The following STAT5B variants were observed in gnomAD, a reference collection of about 807,000 sequenced individuals.
The protein encoded by STAT5B is transcription factor STAT5B.
STAT5B carries 21 observed loss-of-function variants against 107.8 expected under a neutral mutation model. The observed-to-expected ratio is 0.19, with a 90% CI of 0.14 to 0.28. STAT5B has a LOEUF of 0.28. Among genes scored for constraint, STAT5B ranks in the 10% least tolerant of loss-of-function variants. STAT5B has a pLI of 1.00. For missense variants in STAT5B, 565 were observed against 1,008.2 expected, an observed-to-expected ratio of 0.56 and a Z score of 5.95; for synonymous variants, 325 against 401.7, an observed-to-expected ratio of 0.81 and a Z score of 2.28.
intron 1 of STAT5B, among the ~76,000 whole-genome samples, chr17:42,239,365 A>T (rs1040358118): frequency 2.0e-5 from 3 of 152,106 alleles, no homozygotes; most frequent in African/African-American, 7.2e-5. Context: ...CCTTCCAAGG[A>T]CATATCTGAC....
chr17:42,250,455 T>C (rs960335152), intron 1 of STAT5B, among the ~76,000 whole-genome samples: 2 of 152,204 alleles, frequency 1.3e-5, no homozygotes, highest in African/African-American at 4.8e-5. Context: ...AAGCCCTTCC[T>C]ATACTTCATC....
At chr17:42,220,952 A>G (rs1027808655) in intron 5 of STAT5B, among the ~76,000 whole-genome samples, 4 of 150,700 alleles carry the variant, frequency 2.7e-5, no homozygotes, top group African/African-American at 9.8e-5. Flanking sequence ...CACTGGGACT[A>G]TTAATCCCTT....
At chr17:42,274,337 T>C (rs1366674351) in intron 1 of STAT5B, among the ~76,000 whole-genome samples, 1 of 149,502 alleles carries the variant, frequency 6.7e-6, no homozygotes, top group African/African-American at 2.5e-5. Context: ...TGTCTCAATC[T>C]GGAGCTTGAA....
chr17:42,250,894 A>G (rs2080493693), intron 1 of STAT5B, among the ~76,000 whole-genome samples: 1 of 150,838 alleles, frequency 6.6e-6, no homozygotes, highest in African/African-American at 2.4e-5. Flanking sequence ...ACTGCACTCC[A>G]GCCTGGGTGA....
At position 42,273,138 on chromosome 17, in the gene STAT5B, CA is replaced by C. The variant is rs774567492; in HGVS notation, c.-11+3109del. ...AATTTAAGTACAAAAACTGTCTGAT[CA>C]ATGGAAACTAGATTGTTAAGTTTGA... is the stretch of plus-strand genomic sequence containing the variant. On this transcript the variant is annotated intron_variant, in intron 1 of 18. Coordinates refer to ENST00000293328, the MANE Select transcript of STAT5B (RefSeq NM_012448.4). Among the ~76,000 whole-genome samples, 348 of 151,972 alleles carry C rather than the reference CA, an allele frequency of 2.3e-3. 5 individuals are homozygous for C. The highest frequency in any genetic ancestry group is 3.4e-4 in the Non-Finnish European group (23 of 67,966).
chr17:42,202,545 A>G (rs892454957), intron 17 of STAT5B, 98 bp from the exon 18 acceptor site: 1 of 1,488,066 alleles, frequency 6.7e-7, no homozygotes. Flanking sequence ...CTCAGGGTGT[A>G]GAAGGACAAA....
chr17:42,200,293 G>A lies in STAT5B; in HGVS notation c.*1445C>T, dbSNP rs1197985493. On this transcript the variant is annotated 3_prime_UTR_variant, in exon 19 of 19. Coordinates refer to ENST00000293328, the MANE Select transcript of STAT5B (RefSeq NM_012448.4). ...GCCATCCTCTCCTGGGGGTGCCCAT[G>A]CCCTTCTTTTGGAGAGGGGGCCGAG... is the stretch of plus-strand genomic sequence containing the variant. The A allele has an allele frequency of 1.3e-5, 2 of 152,680 alleles. No individual in the cohort carries two copies. The highest frequency in any genetic ancestry group is 4.8e-5 in the African/African-American group (2 of 41,438). The allele number at this position is 152,680 out of a possible 1,614,324, so 9.5% of individuals were successfully genotyped here.
rs191063363 is a variant in STAT5B, at chr17:42,217,024, G to A, written c.1380+136C>T. On this transcript the variant is annotated intron_variant, in intron 11 of 18. Transcript: ENST00000293328. ...ACCTAAGTGAAACAGTTCTCAGGGT[G>A]AGGTCAGTCCATTTTCAGTTTACCA... 802 of 1,450,908 alleles carry A rather than the reference G, an allele frequency of 5.5e-4. 7 individuals carry two copies. Among genetic ancestry groups the A allele is most frequent in the Middle Eastern group, 2.4e-4 (1 of 4,136 alleles). 89.9% of individuals were successfully genotyped at this position (1,450,908 alleles called of 1,614,324 possible).
chr17:42,225,107 TG>T (rs1289826857), intron 3 of STAT5B, among the ~76,000 whole-genome samples: 1 of 152,086 alleles, frequency 6.6e-6, no homozygotes, highest in East Asian at 1.9e-4. Flanking sequence ...CAGGCTGGAG[TG>T]CAGTGGCACA....
chr17:42,230,764 G>A (rs533965237), intron 2 of STAT5B, among the ~76,000 whole-genome samples: 10 of 151,950 alleles, frequency 6.6e-5, no homozygotes, highest in South Asian at 2.1e-4. Context: ...GACTTCAAGC[G>A]ATTCTCATGC....
At chr17:42,231,952 T>C (rs775695016) in intron 2 of STAT5B, 48 bp downstream of exon 2, 67 of 1,611,550 alleles carry the variant, frequency 4.2e-5, no homozygotes, top group Non-Finnish European at 5.7e-5. Context: ...CAAACTCCAA[T>C]ATTCTTGTGT....
At chr17:42,273,747 C>T (rs2080740313) in intron 1 of STAT5B, among the ~76,000 whole-genome samples, 2 of 152,296 alleles carry the variant, frequency 1.3e-5, no homozygotes, top group Non-Finnish European at 2.9e-5. Context: ...GTGTCACCTA[C>T]CTACATAACA....
At chr17:42,265,440 G>A (rs980042426) in intron 1 of STAT5B, among the ~76,000 whole-genome samples, 2 of 144,672 alleles carry the variant, frequency 1.4e-5, no homozygotes, top group South Asian at 2.2e-4. Flanking sequence ...GTGTGATCTC[G>A]GCTCACAGCA....
intron 1 of STAT5B, among the ~76,000 whole-genome samples, chr17:42,263,409 G>A (rs912355590): frequency 2.6e-5 from 4 of 151,900 alleles, no homozygotes; most frequent in Non-Finnish European, 5.9e-5. Context: ...AGAAAACACT[G>A]ATAACAAAAA....
At chr17:42,281,146 C>A (rs1355629373), upstream of STAT5B, among the ~76,000 whole-genome samples, 10 of 148,664 alleles carry the variant, frequency 6.7e-5, no homozygotes, top group East Asian at 7.8e-4. Context: ...AAAAAAAAAA[C>A]AAAAACAAAA....
chr17:42,249,320 G>C (rs1386612178), intron 1 of STAT5B, among the ~76,000 whole-genome samples: 1 of 152,156 alleles, frequency 6.6e-6, no homozygotes, highest in African/African-American at 2.4e-5. Flanking sequence ...TTGAACCTGG[G>C]AGGTGGAGGT....
intron 5 of STAT5B, among the ~76,000 whole-genome samples, chr17:42,222,008 C>CTGTGTGTGGTGTGG (rs1274255242): frequency 1.0e-5 from 1 of 96,950 alleles, no homozygotes; most frequent in African/African-American, 4.5e-5. Flanking sequence ...TGTGTGTGTG[C>CTGTGTGTGGTGTGG]TGTGTGTGGT....
At chr17:42,284,146 C>CAA in the STAT5B span, among the ~76,000 whole-genome samples, 1 of 152,102 alleles carries the variant, frequency 6.6e-6, no homozygotes, top group Non-Finnish European at 1.5e-5. Flanking sequence ...CTCCACCCCC[C>CAA]AAGGAAGGTC....
chr17:42,219,811 G>T lies in STAT5B; in HGVS notation c.582C>A (p.Pro194=). 6 of 1,614,110 alleles carry T rather than the reference G, an allele frequency of 3.7e-6. No homozygotes were observed. The highest frequency in any genetic ancestry group is 4.2e-6 in the Non-Finnish European group (5 of 1,180,014). ...CCGTCTCCCGGCTCAGACGCTCCTG[G>T]GGGCTCAGCTGGGCCAGCGGGCCAA... ...AQFGPLAQLS[P]QERLSRETAL... is the part of the protein sequence containing the mutation. The change falls in exon 6 of 19, where the codon CCC becomes CCA. Residue 194 remains proline, a synonymous_variant. Coordinates refer to ENST00000293328, the MANE Select transcript of STAT5B (RefSeq NM_012448.4).
Sources: allele counts gnomAD v4.1 joint callset (sites outside exome capture counted in the v4.1 genomes callset), GRCh38; gene constraint gnomAD v4.1.1; transcripts MANE v1.5; gene names NCBI Gene and HGNC (gene_info 2026-07-23, HGNC 2026-07-21).